Variants in YAP1 observed in about 807,000 individuals in gnomAD.
YAP1 encodes transcriptional coactivator YAP1.
Under a neutral mutation model 56.9 loss-of-function variants are expected in YAP1, and 5 were observed. The observed-to-expected ratio is 0.09, with a 90% CI of 0.05 to 0.18. The LOEUF (loss-of-function observed/expected upper bound fraction) is 0.18. YAP1 is among the 10% of genes least tolerant of loss of function. The pLI is 1.00. For missense variants in YAP1, 539 were observed against 651.8 expected, an observed-to-expected ratio of 0.83 and a Z score of 1.88; for synonymous variants, 265 against 248.1, an observed-to-expected ratio of 1.07 and a Z score of -0.64.
chr11:102,201,333 G>A (rs1277446242), intron 4 of YAP1, among the ~76,000 whole-genome samples: 1 of 152,216 alleles, frequency 6.6e-6, no homozygotes, highest in Non-Finnish European at 1.5e-5. Context: ...AGGGATGTGT[G>A]ATGTGTATGT....
chr11:102,221,982 A>G (rs1388498483), intron 6 of YAP1, among the ~76,000 whole-genome samples: 2 of 151,816 alleles, frequency 1.3e-5, no homozygotes, highest in Admixed American at 6.6e-5. Context: ...AAGTTCAGAG[A>G]CTCTCTGAAT....
intron 2 of YAP1, among the ~76,000 whole-genome samples, chr11:102,118,659 G>A (rs7128788): frequency 0.44 from 66,770 of 150,598 alleles, 14,881 homozygotes; most frequent in East Asian, 0.63. Flanking sequence ...ACTGAGGCAG[G>A]AGAATTGCTT....
rs188138208 is a variant in YAP1, at chr11:102,204,841, T to G, written c.803-1052T>G. On this transcript the variant is annotated intron_variant, in intron 4 of 8. Coordinates refer to ENST00000282441, the MANE Select transcript of YAP1 (RefSeq NM_001130145.3). The stretch of plus-strand genomic sequence containing the variant: ...GTTGGAAAGTATTCTTTCCTTGTTA[T>G]GCTCTGGAAGAGGCTGTGTAAGACT... Among the ~76,000 whole-genome samples the G allele has an allele frequency of 2.8e-3, 423 of 152,320 alleles. 2 individuals are homozygous for G. The highest frequency in any genetic ancestry group is 7.3e-3 in the Admixed American group (111 of 15,296).
intron 2 of YAP1, among the ~76,000 whole-genome samples, chr11:102,134,353 T>C (rs1388973163): frequency 6.6e-6 from 1 of 152,074 alleles, no homozygotes; most frequent in Non-Finnish European, 1.5e-5. Context: ...CATGGAATTA[T>C]GTGCAGATAT....
At chr11:102,111,529 G>C (rs1351090806) in intron 1 of YAP1, among the ~76,000 whole-genome samples, 7 of 150,732 alleles carry the variant, frequency 4.6e-5, no homozygotes, top group African/African-American at 1.7e-4. Flanking sequence ...GAAAAGTCGG[G>C]CCTGGGCCGC....
At chr11:102,112,533 C>G in intron 1 of YAP1, 4 of 982,744 alleles carry the variant, frequency 4.1e-6, no homozygotes, top group Non-Finnish European at 4.8e-6. Context: ...AGTTAGCCCA[C>G]TCGGGATGTA....
At position 102,113,456 on chromosome 11, in the gene YAP1, A is replaced by C. The variant is rs568035957; in HGVS notation, c.322-688A>C. 1.6e-4 allele frequency among the ~76,000 whole-genome samples: 24 copies of C among 152,270 alleles called. 1 individual carries two copies. Among genetic ancestry groups the C allele is most frequent in the Admixed American group, 1.5e-3 (23 of 15,292 alleles). ...TGCAGAATTTTTTCTGCTTGTATAG[A>C]GTTGTGGATGTGTGTGAGTTCTTAA... On this transcript the variant is annotated intron_variant, in intron 1 of 8. Coordinates refer to ENST00000282441, the MANE Select transcript of YAP1 (RefSeq NM_001130145.3).
At chr11:102,217,693 T>C (rs969152269) in intron 6 of YAP1, among the ~76,000 whole-genome samples, 2 of 152,042 alleles carry the variant, frequency 1.3e-5, no homozygotes, top group Non-Finnish European at 2.9e-5. Flanking sequence ...TTGAGGATGA[T>C]TATCTTTTTT....
chr11:102,137,044 TTTGGAGAA>T (rs1287726486), intron 2 of YAP1, among the ~76,000 whole-genome samples: 12 of 152,054 alleles, frequency 7.9e-5, no homozygotes, highest in African/African-American at 2.9e-4. Flanking sequence ...TATAGAAAAA[TTTGGAGAA>T]TTGGTATCTT....
chr11:102,143,012 T>A (rs576993124), intron 2 of YAP1, among the ~76,000 whole-genome samples: 1 of 152,274 alleles, frequency 6.6e-6, no homozygotes, highest in East Asian at 1.9e-4. Flanking sequence ...TTTTATAAAT[T>A]GGGGGCCTGC....
At chr11:102,213,167 T>C (rs1949491792) in intron 6 of YAP1, among the ~76,000 whole-genome samples, 1 of 152,264 alleles carries the variant, frequency 6.6e-6, no homozygotes, top group South Asian at 2.1e-4. Flanking sequence ...GTGCGAACAC[T>C]TCTACCTTCT....
At chr11:102,194,282 G>A (rs1948460855) in intron 4 of YAP1, among the ~76,000 whole-genome samples, 1 of 152,212 alleles carries the variant, frequency 6.6e-6, no homozygotes, top group Admixed American at 6.5e-5. Context: ...TTATTGGAAA[G>A]GTCAAATTTC....
chr11:102,124,583 A>T (rs1173512891), intron 2 of YAP1, among the ~76,000 whole-genome samples: 5 of 151,202 alleles, frequency 3.3e-5, no homozygotes, highest in African/African-American at 1.2e-4. Flanking sequence ...TTTATCTGTT[A>T]TTTTTTTTCT....
Position 102,229,829 on chromosome 11 carries a change from G to A in YAP1, c.1404G>A (p.Glu468=), listed in dbSNP as rs759882394. The A allele has an allele frequency of 2.5e-6, 4 of 1,614,050 alleles. No individual in the cohort carries two copies. Among genetic ancestry groups the A allele is most frequent in the Admixed American group, 1.7e-5 (1 of 59,998 alleles). Residue 468 remains glutamate, a synonymous_variant, in exon 9 of 9, where the codon GAG becomes GAA. Coordinates refer to ENST00000282441, the MANE Select transcript of YAP1 (RefSeq NM_001130145.3). The part of the protein sequence containing the change: ...LEGDGMNIEG[E]ELMPSLQEAL... Reference sequence around the variant, plus strand: ...GAGATGGAATGAACATAGAAGGAGAGGAGCTGATGCCAAGTCTGCAGGAAG... The same window carrying A: ...GAGATGGAATGAACATAGAAGGAGAAGAGCTGATGCCAAGTCTGCAGGAAG...
chr11:102,145,485 T>A (rs1431754664), intron 2 of YAP1, among the ~76,000 whole-genome samples: 1 of 152,182 alleles, frequency 6.6e-6, no homozygotes, highest in East Asian at 1.9e-4. Context: ...TGGAAAGAAG[T>A]GTCCATTTTT....
intron 1 of YAP1, 145 bp downstream of exon 1, chr11:102,111,314 A>AT (rs1357609349): frequency 4.1e-5 from 28 of 678,106 alleles, no homozygotes; most frequent in African/African-American, 7.4e-5. Flanking sequence ...GCGAAGTGGA[A>AT]CTGGAGTCGT....
intron 2 of YAP1, among the ~76,000 whole-genome samples, chr11:102,150,961 G>A (rs938521583): frequency 6.6e-6 from 1 of 151,436 alleles, no homozygotes; most frequent in Non-Finnish European, 1.5e-5. Context: ...CCACCATGCC[G>A]AACTAATTTT....
chr11:102,178,155 T>G (rs1265237745), intron 3 of YAP1, among the ~76,000 whole-genome samples: 1 of 152,196 alleles, frequency 6.6e-6, no homozygotes, highest in Non-Finnish European at 1.5e-5. Context: ...AAGTGCCGTG[T>G]ACATAGTAAG....
At chr11:102,188,999 T>G (rs2135522726) in intron 4 of YAP1, among the ~76,000 whole-genome samples, 1 of 152,318 alleles carries the variant, frequency 6.6e-6, no homozygotes, top group Admixed American at 6.5e-5. Context: ...TAACAAATCA[T>G]GAAGTGACAT....
Sources: allele counts gnomAD v4.1 joint callset (sites outside exome capture counted in the v4.1 genomes callset), GRCh38; gene constraint gnomAD v4.1.1; transcripts MANE v1.5; gene names NCBI Gene and HGNC (gene_info 2026-07-23, HGNC 2026-07-21).